JMJD1C: variants seen among roughly 807,000 people sequenced by gnomAD.
JMJD1C encodes the protein jumonji domain containing 1C.
JMJD1C carries 31 observed loss-of-function variants against 245.3 expected under a neutral mutation model. The observed-to-expected ratio is 0.13, with a 90% confidence interval of 0.09 to 0.17. JMJD1C has a LOEUF of 0.17. Among genes scored for constraint, JMJD1C ranks in the 10% least tolerant of loss-of-function variants. JMJD1C has a pLI of 1.00. For synonymous variants in JMJD1C, 1,057 were observed against 1,017.4 expected, an observed-to-expected ratio of 1.04 and a Z score of -0.74; for missense variants, 2,691 against 3,000.2, an observed-to-expected ratio of 0.90 and a Z score of 2.41.
intron 3 of JMJD1C, among the ~76,000 whole-genome samples, chr10:63,239,449 T>C (rs1198814805): frequency 6.6e-6 from 1 of 152,092 alleles, no homozygotes; most frequent in African/African-American, 2.4e-5. Flanking sequence ...TCCTACATGT[T>C]GATTTTTTTT....
At chr10:63,324,357 G>A (rs971484773) in intron 2 of JMJD1C, among the ~76,000 whole-genome samples, 8 of 151,980 alleles carry the variant, frequency 5.3e-5, no homozygotes, top group Non-Finnish European at 7.4e-5. Context: ...AATCAAACTC[G>A]TGTCTATCTA....
chr10:63,338,972 T>C (rs1227432643), intron 2 of JMJD1C, among the ~76,000 whole-genome samples: 1 of 152,198 alleles, frequency 6.6e-6, no homozygotes, highest in Non-Finnish European at 1.5e-5. Flanking sequence ...TTCTTCATCT[T>C]GTGTAGTATG....
In JMJD1C at chr10:63,386,108, A is replaced by C. The variant is rs138703467; in HGVS notation, c.169-5626T>G. Among the ~76,000 whole-genome samples, 492 of 152,180 alleles carry C rather than the reference A, an allele frequency of 3.2e-3. 1 individual carries two copies. Among genetic ancestry groups the C allele is most frequent in the African/African-American group, 0.011 (474 of 41,542 alleles). The stretch of plus-strand genomic sequence containing the variant: ...CACATACACAGACACACACACACAC[A>C]CACCCCAAAAAGAGTAAGTTATCTC... On this transcript the variant is annotated intron_variant, in intron 1 of 25. Coordinates refer to ENST00000399262, the MANE Select transcript of JMJD1C (RefSeq NM_032776.3).
chr10:63,328,073 G>A (rs1295568450), intron 2 of JMJD1C, among the ~76,000 whole-genome samples: 3 of 152,056 alleles, frequency 2.0e-5, no homozygotes, highest in African/African-American at 4.8e-5. Flanking sequence ...TCGGGAGTTT[G>A]AGGCCAGCCT....
chr10:63,286,404 T>G (rs539224042), intron 2 of JMJD1C, among the ~76,000 whole-genome samples: 1 of 152,240 alleles, frequency 6.6e-6, no homozygotes, highest in Non-Finnish European at 1.5e-5. Context: ...GCTTCAGCCA[T>G]TGCGACCGTG....
At chr10:63,466,225 T>G (rs1427394705), upstream of JMJD1C, 1 of 169,858 alleles carries the variant, frequency 5.9e-6, no homozygotes, top group East Asian at 1.8e-4. Flanking sequence ...CTTTTGGGGG[T>G]CTACCTTTGT....
At chr10:63,172,501 T>G (rs1842466088) in intron 24 of JMJD1C, among the ~76,000 whole-genome samples, 1 of 152,148 alleles carries the variant, frequency 6.6e-6, no homozygotes, top group African/African-American at 2.4e-5. Flanking sequence ...AAACATTAAG[T>G]GCATTATTCT....
intron 1 of JMJD1C, among the ~76,000 whole-genome samples, chr10:63,510,642 A>C (rs1460277651): frequency 6.6e-6 from 1 of 152,172 alleles, no homozygotes; most frequent in East Asian, 1.9e-4. Flanking sequence ...GTTCCGTGTA[A>C]GCTTGAGAAG....
At chr10:63,437,417 C>G (rs1355239447) in intron 1 of JMJD1C, among the ~76,000 whole-genome samples, 4 of 152,136 alleles carry the variant, frequency 2.6e-5, no homozygotes, top group Non-Finnish European at 5.9e-5. Context: ...CAGCTATTCT[C>G]AAATACAGTA....
chr10:63,348,483 G>T (rs1051447280), intron 2 of JMJD1C, among the ~76,000 whole-genome samples: 3 of 152,190 alleles, frequency 2.0e-5, no homozygotes, highest in Non-Finnish European at 4.4e-5. Flanking sequence ...ATTGGGTCAG[G>T]ATAGCTTAAT....
In JMJD1C at chr10:63,206,800, T is replaced by A. The variant is rs200686331; in HGVS notation, c.4869A>T (p.Glu1623Asp). The A allele has an allele frequency of 2.1e-4, 338 of 1,603,778 alleles. No individual in the cohort carries two copies. Among genetic ancestry groups the A allele is most frequent in the Non-Finnish European group, 2.8e-4 (328 of 1,177,282 alleles). The change falls in exon 10 of 26, where the codon GAA (glutamate) becomes GAT (aspartate). Residue 1623 changes from glutamate (E) to aspartate (D), a missense_variant. Physicochemically the swap from Glu to Asp is conservative, Grantham distance 45. This residue lies in a region of JMJD1C where 144 missense variants were observed against 143.3 expected (regional missense o/e 1.00). Coordinates refer to ENST00000399262, the MANE Select transcript of JMJD1C (RefSeq NM_032776.3). Reference sequence around the variant, plus strand: ...CTGAGTCTCCACTTTCAGAGCCAGATTCATAAGTTCTTTTGGCTTTTCTCC... The same window carrying A: ...CTGAGTCTCCACTTTCAGAGCCAGAATCATAAGTTCTTTTGGCTTTTCTCC... ...VNRRKAKRTY[E>D]SGSESGDSDE...
intron 3 of JMJD1C, among the ~76,000 whole-genome samples, chr10:63,223,236 T>A (rs1229385220): frequency 6.7e-6 from 1 of 149,164 alleles, no homozygotes; most frequent in African/African-American, 2.5e-5. Flanking sequence ...GCTGTTTTTT[T>A]TTTTTTTTTT....
At chr10:63,435,061 T>C (rs1473381268) in intron 1 of JMJD1C, among the ~76,000 whole-genome samples, 2 of 152,258 alleles carry the variant, frequency 1.3e-5, no homozygotes, top group Admixed American at 6.5e-5. Flanking sequence ...TTGTCTCTAC[T>C]GAACAATGCG....
rs1943944232 is a variant in JMJD1C at position 63,347,437 on chromosome 10, T to G, written c.333+32881A>C. Among the ~76,000 whole-genome samples, 3 of 150,042 alleles carry G rather than the reference T, an allele frequency of 2.0e-5. No homozygotes were observed. The South Asian group carries it at 6.3e-4, about 31-fold the overall frequency. On this transcript the variant is annotated intron_variant, in intron 2 of 25. Coordinates refer to ENST00000399262, the MANE Select transcript of JMJD1C (RefSeq NM_032776.3). ...ACTCTAATAAAAAGACAAAAAAAATTAGCCAGGCATGGTGGCGCACGCCTG... is the reference window on the plus strand; with the variant it reads ...ACTCTAATAAAAAGACAAAAAAAATGAGCCAGGCATGGTGGCGCACGCCTG...
At chr10:63,196,134 C>T (rs1564586472) in intron 13 of JMJD1C, among the ~76,000 whole-genome samples, 1 of 151,146 alleles carries the variant, frequency 6.6e-6, no homozygotes, top group African/African-American at 2.4e-5. Context: ...TGGCACATGC[C>T]TGTAATCCCA....
intron 3 of JMJD1C, among the ~76,000 whole-genome samples, chr10:63,243,599 G>A (rs1045335328): frequency 2.0e-5 from 3 of 152,012 alleles, no homozygotes; most frequent in Admixed American, 1.3e-4. Flanking sequence ...ATCAGTTCTC[G>A]AAGTTCTTGG....
chr10:63,336,137 A>T (rs1165824477), intron 2 of JMJD1C, among the ~76,000 whole-genome samples: 1 of 151,844 alleles, frequency 6.6e-6, no homozygotes, highest in Non-Finnish European at 1.5e-5. Flanking sequence ...AATAAGAAAA[A>T]AAGAAAAAAA....
At chr10:63,240,273 G>A (rs1851319369) in intron 3 of JMJD1C, among the ~76,000 whole-genome samples, 1 of 151,310 alleles carries the variant, frequency 6.6e-6, no homozygotes, top group Non-Finnish European at 1.5e-5. Flanking sequence ...AGAAAATAAG[G>A]AGCACTACAA....
intron 2 of JMJD1C, among the ~76,000 whole-genome samples, chr10:63,371,359 AAAGT>A (rs1205147095): frequency 6.6e-6 from 1 of 152,126 alleles, no homozygotes; most frequent in Non-Finnish European, 1.5e-5. Flanking sequence ...ACATTTTCCT[AAAGT>A]ATGTACAATT....
Sources: gnomAD v4.1 joint callset for allele counts (sites outside exome capture counted in the v4.1 genomes callset) on GRCh38, gnomAD v4.1.1 for gene constraint, gnomAD v4.1.1 regional missense constraint, MANE v1.5 for transcripts, NCBI Gene and HGNC (gene_info 2026-07-23, HGNC 2026-07-21) for gene names.